The following HOXC5 variants were observed in gnomAD, a reference collection of about 807,000 sequenced individuals.
HOXC5 encodes homeobox protein Hox-C5.
HOXC5 carries 19 observed loss-of-function variants against 20.1 expected under a neutral mutation model. The ratio of observed to expected loss-of-function variants is 0.94; its 90% CI spans 0.66 to 1.38. The LOEUF is 1.38. HOXC5 is among the 40% of genes most tolerant of loss of function. The probability of loss-of-function intolerance (pLI) is 0.00; values close to 1 mark genes in which losing one functional copy is unlikely to be tolerated. For synonymous variants in HOXC5, 124 were observed against 117.0 expected (o/e 1.06, Z -0.39); for missense variants, 330 against 300.1 (o/e 1.10, Z -0.74).
chr12:54,033,335 C>G lies in HOXC5; in HGVS notation c.213C>G (p.Pro71=). ...VDMAANPRAH[P]DRPACSAAAA... Reference sequence around the variant, plus strand: ...TGGCTGCCAACCCCCGGGCTCACCCCGACCGCCCCGCCTGCAGCGCCGCGG... The same window carrying G: ...TGGCTGCCAACCCCCGGGCTCACCCGGACCGCCCCGCCTGCAGCGCCGCGG... The change falls in exon 1 of 2, where the codon CCC becomes CCG. Residue 71 remains proline (P), a synonymous_variant. Coordinates refer to ENST00000312492, the MANE Select transcript of HOXC5 (RefSeq NM_018953.4). 6.2e-7 allele frequency: 1 copy of G among 1,613,042 alleles called. No individual in the cohort carries two copies. The highest frequency in any genetic ancestry group is 8.5e-7 in the Non-Finnish European group (1 of 1,179,596).
At chr12:54,028,689 G>A (rs750347742), upstream of HOXC5, 1 of 1,613,928 alleles carries the variant, frequency 6.2e-7, no homozygotes, top group Non-Finnish European at 8.5e-7. Context: ...CCTTTTATTC[G>A]CCACAGGAGA....
rs750605861 is a variant in HOXC5 at position 54,034,508 on chromosome 12, C to T, written c.*16C>T. ...GGCTCTTTAGAGGCAGCGGGGGAGG[C>T]CCGCAGAGCGCGCCCCTAGCCGGTT... is the stretch of plus-strand genomic sequence containing the variant. On this transcript the variant is annotated 3_prime_UTR_variant, in exon 2 of 2. Transcript: ENST00000312492. The T allele has an allele frequency of 1.2e-6, 2 of 1,603,378 alleles. No individual in the cohort carries two copies. Among genetic ancestry groups the T allele is most frequent in the Non-Finnish European group, 1.7e-6 (2 of 1,172,128 alleles).
At chr12:54,033,919 C>T (rs528974331) in intron 1 of HOXC5, 39 of 398,138 alleles carry the variant, frequency 9.8e-5, no homozygotes, top group Middle Eastern at 1.3e-3. Flanking sequence ...CCGGCTCCGC[C>T]GGCGCTTGCG....
chr12:54,027,332 C>T, the HOXC5 span, among the ~76,000 whole-genome samples: 1 of 152,208 alleles, frequency 6.6e-6, no homozygotes, highest in Non-Finnish European at 1.5e-5. Context: ...AGGGGCGCCT[C>T]CACTGGCGGT....
At position 54,034,383 on chromosome 12, in the gene HOXC5, A is replaced by G. The variant is rs780144166; in HGVS notation, c.560A>G (p.Glu187Gly). ...NRYLTRRRRI[E>G]IANNLCLNER... ...TACCTCACTCGCCGCAGGCGCATAGAGATCGCCAACAACTTGTGTCTCAAT... is the reference window on the plus strand; with the variant it reads ...TACCTCACTCGCCGCAGGCGCATAGGGATCGCCAACAACTTGTGTCTCAAT... The change falls in exon 2 of 2, where the codon GAG (glutamate) becomes GGG (glycine). Residue 187 changes from glutamate to glycine, a missense_variant. Coordinates refer to ENST00000312492, the MANE Select transcript of HOXC5 (RefSeq NM_018953.4). The G allele has an allele frequency of 6.2e-7, 1 of 1,614,168 alleles. No individual in the cohort carries two copies. Among genetic ancestry groups the G allele is most frequent in the Admixed American group, 1.7e-5 (1 of 60,032 alleles).
At chr12:54,028,263 A>ATT (rs951684966), upstream of HOXC5, 7 of 73,344 alleles carry the variant, frequency 9.5e-5, no homozygotes, top group African/African-American at 2.5e-4. Flanking sequence ...ATATATATAT[A>ATT]TATATTTTTT....
At chr12:54,026,446 G>T in the HOXC5 span, among the ~76,000 whole-genome samples, 1 of 152,208 alleles carries the variant, frequency 6.6e-6, no homozygotes, top group Non-Finnish European at 1.5e-5. Context: ...CCCCAAAAAT[G>T]AGATAACTCA....
upstream of HOXC5, chr12:54,032,870 A>G (rs1941040387): frequency 1.4e-5 from 4 of 280,214 alleles, no homozygotes; most frequent in East Asian, 6.7e-5. Context: ...CTTTGCCAAC[A>G]TATCGAGATG....
upstream of HOXC5, among the ~76,000 whole-genome samples, chr12:54,032,592 A>G (rs887247019): frequency 7.2e-5 from 11 of 152,228 alleles, no homozygotes; most frequent in Admixed American, 5.2e-4. Context: ...TCTGTGCGTT[A>G]TAAGTGGGGC....
the HOXC5 span, among the ~76,000 whole-genome samples, chr12:54,023,211 T>A: frequency 6.6e-6 from 1 of 152,144 alleles, no homozygotes; most frequent in African/African-American, 2.4e-5. Flanking sequence ...CAGAAATGAT[T>A]TTTTCCAGAT....
chr12:54,029,366 C>A (rs959193683), upstream of HOXC5, among the ~76,000 whole-genome samples: 11 of 150,768 alleles, frequency 7.3e-5, no homozygotes, highest in African/African-American at 2.2e-4. Flanking sequence ...CAAAAATCTG[C>A]TTTTAGACTT....
the HOXC5 span, among the ~76,000 whole-genome samples, chr12:54,026,785 C>A: frequency 2.0e-5 from 3 of 152,182 alleles, no homozygotes; most frequent in Non-Finnish European, 2.9e-5. Context: ...TCCAGGGAAA[C>A]CTTAACGTTA....
At chr12:54,030,189 G>C (rs977220574), upstream of HOXC5, 5 of 471,654 alleles carry the variant, frequency 1.1e-5, no homozygotes, top group Non-Finnish European at 1.9e-5. Context: ...TTGCTAGCTC[G>C]TTCTCGGCTT....
At chr12:54,021,056 G>A in the HOXC5 span, 1 of 152,404 alleles carries the variant, frequency 6.6e-6, no homozygotes, top group Non-Finnish European at 1.5e-5. Flanking sequence ...GCGATGAAGG[G>A]ATCAGAGTGG....
the HOXC5 span, among the ~76,000 whole-genome samples, chr12:54,017,845 T>TAAGCAAAGTTAGCCCCCC: frequency 6.6e-6 from 1 of 151,894 alleles, no homozygotes; most frequent in Non-Finnish European, 1.5e-5. Flanking sequence ...CATTGCCCCC[T>TAAGCAAAGTTAGCCCCCC]AAGCAAAGTT....
In HOXC5 at chr12:54,034,634, T is replaced by G. The variant is rs780613623; in HGVS notation, c.*142T>G. The G allele has an allele frequency of 2.9e-6, 2 of 683,714 alleles. No homozygotes were observed. Among genetic ancestry groups the G allele is most frequent in the Non-Finnish European group, 4.9e-6 (2 of 409,228 alleles). The allele number at this position is 683,714 out of a possible 1,614,324, so 42.4% of individuals were successfully genotyped here. A position where few individuals can be genotyped will look rare whatever the true frequency, so the allele number is the denominator to read the frequency against. Reference sequence around the variant, plus strand: ...CCCGGGCCCCACAGACAAAAGCGCTTTTCCTTGGCATTCCGCATCCCTACC... The same window carrying G: ...CCCGGGCCCCACAGACAAAAGCGCTGTTCCTTGGCATTCCGCATCCCTACC... On this transcript the variant is annotated 3_prime_UTR_variant, in exon 2 of 2. Transcript: ENST00000312492.
At chr12:54,028,263 ATATATTTT>A (rs984485415), upstream of HOXC5, 85 of 73,376 alleles carry the variant, frequency 1.2e-3, 1 homozygote, top group East Asian at 0.029. Context: ...ATATATATAT[ATATATTTT>A]TTAAAAGAAA....
At chr12:54,030,808 T>C (rs926101991), upstream of HOXC5, 1 of 152,296 alleles carries the variant, frequency 6.6e-6, no homozygotes, top group Non-Finnish European at 1.5e-5. Context: ...AAACTGATAT[T>C]ATTTTTAAAA....
Position 54,033,407 on chromosome 12 carries a change from C to T in HOXC5, c.285C>T (p.Asn95=), listed in dbSNP as rs1373730250. Residue 95 remains asparagine, a synonymous_variant, in exon 1 of 2, where the codon AAC becomes AAT. Coordinates refer to ENST00000312492, the MANE Select transcript of HOXC5 (RefSeq NM_018953.4). Reference sequence around the variant, plus strand: ...GCAGAGACGAAGCGGCTCCTCTGAACCCCGGGATGTACAGTCAGAAGGCGG... The same window carrying T: ...GCAGAGACGAAGCGGCTCCTCTGAATCCCGGGATGTACAGTCAGAAGGCGG... ...APGRDEAAPL[N]PGMYSQKAAR... The T allele has an allele frequency of 2.5e-6, 4 of 1,610,904 alleles. No homozygotes were observed. The Admixed American group carries it at 6.7e-5, about 27-fold the overall frequency.
Sources: gnomAD v4.1 joint callset for allele counts (sites outside exome capture counted in the v4.1 genomes callset) on GRCh38, gnomAD v4.1.1 for gene constraint, MANE v1.5 for transcripts, NCBI Gene and HGNC (gene_info 2026-07-23, HGNC 2026-07-21) for gene names.